The following UBE2E2 variants were observed in gnomAD, a reference collection of about 807,000 sequenced individuals.
UBE2E2 encodes the protein ubiquitin-conjugating enzyme E2 E2.
A neutral mutation model predicts 24.7 loss-of-function variants in UBE2E2; 6 were observed. The ratio of observed to expected loss-of-function variants is 0.24; its 90% CI spans 0.13 to 0.48. The LOEUF (loss-of-function observed/expected upper bound fraction) is 0.48. Ranked by LOEUF, UBE2E2 falls within the 20% of genes least tolerant of loss-of-function variation. The pLI is 0.99. For missense variants in UBE2E2, 169 were observed against 245.0 expected (o/e 0.69, Z 2.07); for synonymous variants, 104 against 83.6 (o/e 1.24, Z -1.33).
At chr3:23,357,551 T>G (rs899978089) in intron 3 of UBE2E2, among the ~76,000 whole-genome samples, 6 of 152,200 alleles carry the variant, frequency 3.9e-5, no homozygotes, top group African/African-American at 1.4e-4. Flanking sequence ...TAAAATGGTA[T>G]GTGGAATTAT....
chr3:23,483,876 T>C (rs78493845), intron 3 of UBE2E2, among the ~76,000 whole-genome samples: 2,749 of 152,250 alleles, frequency 0.018, 98 homozygotes, highest in African/African-American at 0.063. Flanking sequence ...TGGACTCCTT[T>C]TATTCAAAGA....
intron 3 of UBE2E2, among the ~76,000 whole-genome samples, chr3:23,491,558 G>A (rs1297850447): frequency 1.3e-5 from 2 of 152,152 alleles, no homozygotes; most frequent in Non-Finnish European, 2.9e-5. Flanking sequence ...ACAAGAAAGA[G>A]CCCAGCTCTC....
intron 3 of UBE2E2, among the ~76,000 whole-genome samples, chr3:23,478,096 T>TA (rs1376680857): frequency 1.3e-5 from 2 of 152,250 alleles, no homozygotes; most frequent in African/African-American, 4.8e-5. Context: ...AACAAACTAA[T>TA]ACACCTATTC....
chr3:23,240,461 G>T (rs1361574560), intron 3 of UBE2E2, among the ~76,000 whole-genome samples: 1 of 152,144 alleles, frequency 6.6e-6, no homozygotes. Flanking sequence ...TCAATACTCA[G>T]TTCTGGTTTT....
At chr3:23,585,558 A>G (rs1393564869) in intron 5 of UBE2E2, among the ~76,000 whole-genome samples, 1 of 152,144 alleles carries the variant, frequency 6.6e-6, no homozygotes, top group Non-Finnish European at 1.5e-5. Context: ...AAGTACTTGA[A>G]GTCATCTAAC....
Position 23,538,615 on chromosome 3 carries a change from G to A in UBE2E2, c.508+5914G>A, listed in dbSNP as rs969804239. 4.6e-5 allele frequency among the ~76,000 whole-genome samples: 7 copies of A among 152,110 alleles called. No individual in the cohort carries two copies. The East Asian group carries it at 1.3e-3, about 29-fold the overall frequency. On this transcript the variant is annotated intron_variant, in intron 5 of 5. Coordinates refer to ENST00000396703, the MANE Select transcript of UBE2E2 (RefSeq NM_152653.4). Reference sequence around the variant, plus strand: ...CCTAAGTTTCCCATAGGCTTACTCAGATGCATTTGAAAATAATGCTATTCA... The same window carrying A: ...CCTAAGTTTCCCATAGGCTTACTCAAATGCATTTGAAAATAATGCTATTCA...
intron 4 of UBE2E2, among the ~76,000 whole-genome samples, chr3:23,504,640 T>C (rs1279122705): frequency 3.9e-5 from 6 of 152,194 alleles, no homozygotes; most frequent in Non-Finnish European, 8.8e-5. Flanking sequence ...TGAAAAGTCG[T>C]ATCTTATGGT....
chr3:23,296,777 A>ATGT (rs1428864825), intron 3 of UBE2E2, among the ~76,000 whole-genome samples: 31 of 152,298 alleles, frequency 2.0e-4, no homozygotes, highest in African/African-American at 6.7e-4. Context: ...ATACGTATGC[A>ATGT]TGTGTCTTCA....
intron 2 of UBE2E2, among the ~76,000 whole-genome samples, chr3:23,216,543 A>G (rs1696480278): frequency 6.6e-6 from 1 of 152,182 alleles, no homozygotes; most frequent in Non-Finnish European, 1.5e-5. Flanking sequence ...TAAGGTATGA[A>G]TGATAGTTAA....
At chr3:23,274,595 A>G (rs1045083077) in intron 3 of UBE2E2, among the ~76,000 whole-genome samples, 1 of 151,974 alleles carries the variant, frequency 6.6e-6, no homozygotes, top group Non-Finnish European at 1.5e-5. Context: ...CTCCTGGGCT[A>G]AAGTGATCTT....
chr3:23,432,713 C>T (rs1575625417), intron 3 of UBE2E2, among the ~76,000 whole-genome samples: 1 of 151,846 alleles, frequency 6.6e-6, no homozygotes, highest in South Asian at 2.1e-4. Flanking sequence ...TTTAATTGAA[C>T]TTTTGAAAGA....
intron 4 of UBE2E2, among the ~76,000 whole-genome samples, chr3:23,523,151 A>G (rs1694907384): frequency 1.3e-5 from 2 of 152,262 alleles, no homozygotes; most frequent in Non-Finnish European, 2.9e-5. Flanking sequence ...TTCCAGAAAC[A>G]TTCTATATAA....
chr3:23,574,984 A>C (rs1696316408), intron 5 of UBE2E2, among the ~76,000 whole-genome samples: 2 of 152,184 alleles, frequency 1.3e-5, no homozygotes, highest in Non-Finnish European at 2.9e-5. Flanking sequence ...GGAAATGCGC[A>C]TTGGAGCATT....
chr3:23,285,576 G>C (rs936594121), intron 3 of UBE2E2, among the ~76,000 whole-genome samples: 1 of 152,136 alleles, frequency 6.6e-6, no homozygotes, highest in Non-Finnish European at 1.5e-5. Flanking sequence ...TTTAACTGGG[G>C]TGAGATGATA....
At chr3:23,550,866 C>G (rs991444558) in intron 5 of UBE2E2, among the ~76,000 whole-genome samples, 11 of 152,076 alleles carry the variant, frequency 7.2e-5, no homozygotes, top group African/African-American at 9.7e-5. Flanking sequence ...GGCAGAAACC[C>G]AGAGAAGAGG....
intron 3 of UBE2E2, among the ~76,000 whole-genome samples, chr3:23,356,987 T>C (rs1474458430): frequency 6.6e-6 from 1 of 152,228 alleles, no homozygotes; most frequent in Non-Finnish European, 1.5e-5. Context: ...CTTGGTAGTT[T>C]AGCAATCCAG....
intron 3 of UBE2E2, among the ~76,000 whole-genome samples, chr3:23,242,284 A>G (rs1697279755): frequency 6.6e-6 from 1 of 151,980 alleles, no homozygotes; most frequent in Admixed American, 6.6e-5. Context: ...TGATTCTCAT[A>G]CAAATAAAGG....
intron 3 of UBE2E2, among the ~76,000 whole-genome samples, chr3:23,362,884 C>G (rs1304889495): frequency 6.6e-6 from 1 of 152,144 alleles, no homozygotes; most frequent in East Asian, 1.9e-4. Context: ...TGTAAAGTGT[C>G]TAGAGAGAAG....
At chr3:23,416,878 G>A (rs940439738) in intron 3 of UBE2E2, among the ~76,000 whole-genome samples, 1 of 152,094 alleles carries the variant, frequency 6.6e-6, no homozygotes, top group African/African-American at 2.4e-5. Flanking sequence ...CGAAGTTCTT[G>A]TGCTGTGTTT....
Sources: allele counts gnomAD v4.1 joint callset (sites outside exome capture counted in the v4.1 genomes callset), GRCh38; gene constraint gnomAD v4.1.1; transcripts MANE v1.5; gene names NCBI Gene and HGNC (gene_info 2026-07-23, HGNC 2026-07-21).